The following GALNT14 variants were observed in gnomAD, a reference collection of about 807,000 sequenced individuals.
The protein encoded by GALNT14 is polypeptide N-acetylgalactosaminyltransferase 14, also known as UDP-GalNAc:polypeptide N-acetylgalactosaminyltransferase 14.
In GALNT14, 60 loss-of-function variants were observed where a neutral mutation model predicts 77.5. The observed-to-expected ratio is 0.77, with a 90% CI of 0.63 to 0.96. The LOEUF (loss-of-function observed/expected upper bound fraction) is 0.96. Ranked by LOEUF, GALNT14 falls within the 40% of genes least tolerant of loss-of-function variation. GALNT14 has a pLI of 0.00. For missense variants in GALNT14, 710 were observed against 731.0 expected (o/e 0.97, Z 0.33); for synonymous variants, 280 against 281.7 (o/e 0.99, Z 0.06).
intron 1 of GALNT14, among the ~76,000 whole-genome samples, chr2:31,062,770 G>A (rs1674687498): frequency 6.6e-6 from 1 of 151,404 alleles, no homozygotes. Flanking sequence ...GGAATGAGAT[G>A]GTATCTCATG....
At chr2:30,996,731 C>G (rs954907642) in intron 1 of GALNT14, among the ~76,000 whole-genome samples, 1 of 152,210 alleles carries the variant, frequency 6.6e-6, no homozygotes, top group Non-Finnish European at 1.5e-5. Context: ...TGTCCCCCAG[C>G]AAGCCAGAGC....
At chr2:30,953,363 C>T (rs1667157256) in intron 6 of GALNT14, among the ~76,000 whole-genome samples, 1 of 143,138 alleles carries the variant, frequency 7.0e-6, no homozygotes, top group Admixed American at 7.3e-5. Flanking sequence ...GGCTGGAGTG[C>T]AGTGGCACAA....
At chr2:30,935,418 C>T (rs999348352) in intron 9 of GALNT14, among the ~76,000 whole-genome samples, 7 of 152,194 alleles carry the variant, frequency 4.6e-5, no homozygotes, top group African/African-American at 1.7e-4. Flanking sequence ...CTCACTCATC[C>T]AGTCCTGAAG....
At chr2:30,906,209 C>T (rs1664138806), downstream of GALNT14, among the ~76,000 whole-genome samples, 1 of 150,488 alleles carries the variant, frequency 6.6e-6, no homozygotes, top group East Asian at 2.0e-4. Flanking sequence ...TCACACATAA[C>T]AATATTAACT....
chr2:30,897,792 C>T, the GALNT14 span, among the ~76,000 whole-genome samples: 1 of 152,202 alleles, frequency 6.6e-6, no homozygotes, highest in African/African-American at 2.4e-5. Context: ...AGGGCGCAAA[C>T]CAGCAGGGGA....
chr2:30,992,687 C>T lies in GALNT14; in HGVS notation c.299+151G>A, dbSNP rs929839435. The T allele has an allele frequency of 2.9e-5, 27 of 925,542 alleles. No individual in the cohort carries two copies. The African/African-American group carries it at 3.1e-4, about 11-fold the overall frequency. 57.3% of individuals were successfully genotyped at this position (925,542 alleles called of 1,614,324 possible). A position where few individuals can be genotyped will look rare whatever the true frequency, so the allele number is the denominator to read the frequency against. Reference sequence around the variant, plus strand: ...AGTAGGCAACACAGCCAGGGTCAATCACCAAATCCGAATCCCTTTAGTGTT... The same window carrying T: ...AGTAGGCAACACAGCCAGGGTCAATTACCAAATCCGAATCCCTTTAGTGTT... On this transcript the variant is annotated intron_variant, in intron 2 of 14. Coordinates refer to ENST00000349752, the MANE Select transcript of GALNT14 (RefSeq NM_024572.4).
intron 1 of GALNT14, among the ~76,000 whole-genome samples, chr2:31,114,420 C>T (rs552335020): frequency 9.2e-5 from 14 of 152,202 alleles, no homozygotes; most frequent in South Asian, 2.1e-4. Flanking sequence ...TAGCACTTAA[C>T]GGTATTCAAT....
At chr2:31,115,126 T>C (rs1015006266) in intron 1 of GALNT14, among the ~76,000 whole-genome samples, 1 of 152,032 alleles carries the variant, frequency 6.6e-6, no homozygotes, top group African/African-American at 2.4e-5. Flanking sequence ...GCCACATGTC[T>C]GTAGTCCTAA....
At chr2:31,133,273 T>C (rs920040410) in intron 1 of GALNT14, among the ~76,000 whole-genome samples, 3 of 152,242 alleles carry the variant, frequency 2.0e-5, no homozygotes, top group African/African-American at 4.8e-5. Flanking sequence ...AAGAACCCGT[T>C]GGACAGTTAC....
chr2:30,998,468 T>C (rs1216077816), intron 1 of GALNT14, among the ~76,000 whole-genome samples: 1 of 152,166 alleles, frequency 6.6e-6, no homozygotes, highest in African/African-American at 2.4e-5. Context: ...CTGTCCCAAT[T>C]GTCTTCTTTT....
intron 1 of GALNT14, among the ~76,000 whole-genome samples, chr2:31,075,013 G>T (rs1436129570): frequency 5.9e-5 from 9 of 152,220 alleles, no homozygotes; most frequent in Non-Finnish European, 1.5e-5. Context: ...TGGAGGTGGG[G>T]CCTGGTGGGA....
chr2:31,095,314 C>T (rs929652992), intron 1 of GALNT14, among the ~76,000 whole-genome samples: 4 of 152,184 alleles, frequency 2.6e-5, no homozygotes, highest in Middle Eastern at 6.3e-3. Flanking sequence ...ACCAAATGTG[C>T]ATCAGCCCTG....
At chr2:31,038,488 G>A (rs1672902140) in intron 1 of GALNT14, among the ~76,000 whole-genome samples, 1 of 152,064 alleles carries the variant, frequency 6.6e-6, no homozygotes, top group Non-Finnish European at 1.5e-5. Flanking sequence ...CCCTAAGAAT[G>A]GTGCATCTCC....
intron 1 of GALNT14, among the ~76,000 whole-genome samples, chr2:31,048,134 A>G (rs1673594693): frequency 6.6e-6 from 1 of 152,262 alleles, no homozygotes; most frequent in Non-Finnish European, 1.5e-5. Context: ...CCCGAAGGCC[A>G]TGAAACCATT....
chr2:30,929,575 T>C, intron 10 of GALNT14, 88 bp from the exon 11 acceptor site: 1 of 941,996 alleles, frequency 1.1e-6, no homozygotes, highest in Non-Finnish European at 1.7e-6. Flanking sequence ...ATGTGTGGGC[T>C]GAGTTGGCAA....
intron 1 of GALNT14, among the ~76,000 whole-genome samples, chr2:31,133,769 T>C (rs7560397): frequency 0.029 from 4,375 of 152,322 alleles, 218 homozygotes; most frequent in African/African-American, 0.1. Context: ...GCATAGTATT[T>C]ACCATTCAAA....
At chr2:31,060,696 A>G (rs76785565) in intron 1 of GALNT14, among the ~76,000 whole-genome samples, 3,260 of 152,286 alleles carry the variant, frequency 0.021, 127 homozygotes, top group African/African-American at 0.074. Flanking sequence ...ATGTGTTTAA[A>G]TTAAACAGCT....
intron 6 of GALNT14, among the ~76,000 whole-genome samples, chr2:30,946,610 C>T (rs1423747259): frequency 6.6e-6 from 1 of 152,150 alleles, no homozygotes; most frequent in African/African-American, 2.4e-5. Context: ...AACCGTAAGC[C>T]AATGAAACCT....
At chr2:31,102,450 T>C (rs1033589595) in intron 1 of GALNT14, among the ~76,000 whole-genome samples, 1 of 152,148 alleles carries the variant, frequency 6.6e-6, no homozygotes, top group Admixed American at 6.6e-5. Flanking sequence ...TTACTTTCAG[T>C]TAAATGGGCT....
Sources: gnomAD v4.1 joint callset for allele counts (sites outside exome capture counted in the v4.1 genomes callset) on GRCh38, gnomAD v4.1.1 for gene constraint, MANE v1.5 for transcripts, NCBI Gene and HGNC (gene_info 2026-07-23, HGNC 2026-07-21) for gene names.